Variants in TG observed in about 807,000 individuals in gnomAD.
TG encodes thyroglobulin.
A neutral mutation model predicts 324.7 loss-of-function variants in TG; 270 were observed. The observed-to-expected ratio is 0.83, with a 90% CI of 0.75 to 0.92. TG has a LOEUF of 0.92. Among genes scored for constraint, TG ranks in the 40% least tolerant of loss-of-function variants. The pLI is 0.00. For synonymous variants in TG, 1,401 were observed against 1,327.0 expected (o/e 1.06, Z -1.21); for missense variants, 3,591 against 3,456.4 (o/e 1.04, Z -0.98).
intron 45 of TG, among the ~76,000 whole-genome samples, chr8:133,126,953 C>G (rs1156745963): frequency 6.6e-6 from 1 of 152,144 alleles, no homozygotes; most frequent in Non-Finnish European, 1.5e-5. Context: ...GGTCAACAGA[C>G]TTCCTGCAGA....
At chr8:132,919,190 C>A (rs1288590456) in intron 20 of TG, among the ~76,000 whole-genome samples, 186 bp from the exon 21 acceptor site, 3 of 152,172 alleles carry the variant, frequency 2.0e-5, no homozygotes, top group Admixed American at 2.0e-4. Flanking sequence ...AGGAAGCTCG[C>A]CTGACTTCTT....
intron 39 of TG, among the ~76,000 whole-genome samples, chr8:133,019,928 T>C (rs991372617): frequency 1.3e-5 from 2 of 152,212 alleles, no homozygotes; most frequent in African/African-American, 4.8e-5. Context: ...GCTTTTTCCA[T>C]AGTGTCAGGA....
At chr8:133,089,227 T>C (rs1031089475) in intron 41 of TG, among the ~76,000 whole-genome samples, 1 of 152,208 alleles carries the variant, frequency 6.6e-6, no homozygotes, top group African/African-American at 2.4e-5. Flanking sequence ...CATCCTGACA[T>C]TCATTTCCAG....
At chr8:132,872,110 T>G (rs1348571024) in intron 4 of TG, among the ~76,000 whole-genome samples, 2 of 152,180 alleles carry the variant, frequency 1.3e-5, no homozygotes, top group Non-Finnish European at 2.9e-5. Flanking sequence ...TGTACAGCTG[T>G]ACCATGTGTT....
chr8:133,116,697 G>A lies in TG; in HGVS notation c.7843G>A (p.Glu2615Lys). The A allele has an allele frequency of 6.2e-7, 1 of 1,614,222 alleles. No homozygotes were observed. The highest frequency in any genetic ancestry group is 8.5e-7 in the Non-Finnish European group (1 of 1,180,036). Reference sequence around the variant, plus strand: ...AAACGTCTTCATGTACCATGCTCCTGAAAACTACGGCCATGGCAGGTAAGA... The same window carrying A: ...AAACGTCTTCATGTACCATGCTCCTAAAAACTACGGCCATGGCAGGTAAGA... ...RGNVFMYHAPENYGHGSLELL... is the reference protein window; with the variant it reads ...RGNVFMYHAPKNYGHGSLELL... The change falls in exon 45 of 48, where the codon GAA (glutamate) becomes AAA (lysine). Residue 2615 changes from glutamate to lysine, a missense_variant. Coordinates refer to ENST00000220616, the MANE Select transcript of TG (RefSeq NM_003235.5).
chr8:133,018,768 G>A (rs1417960409), intron 38 of TG, among the ~76,000 whole-genome samples: 1 of 151,974 alleles, frequency 6.6e-6, no homozygotes, highest in Non-Finnish European at 1.5e-5. Flanking sequence ...CTATCCTCAG[G>A]CAGCTGCAAC....
intron 41 of TG, among the ~76,000 whole-genome samples, chr8:133,094,244 T>TTC (rs1360725006): frequency 5.7e-4 from 22 of 38,372 alleles, no homozygotes; most frequent in Non-Finnish European, 1.2e-3. Flanking sequence ...GTCGTTTTCT[T>TTC]TTTTTTTTTT....
chr8:133,050,824 C>A (rs1840262609), intron 41 of TG: 1 of 1,604,860 alleles, frequency 6.2e-7, no homozygotes, highest in South Asian at 1.1e-5. Context: ...ACTCAGAAAT[C>A]ACACGCAGTT....
intron 35 of TG, among the ~76,000 whole-genome samples, chr8:132,999,020 G>A (rs1343580148): frequency 6.6e-6 from 1 of 152,214 alleles, no homozygotes; most frequent in Non-Finnish European, 1.5e-5. Flanking sequence ...AGATTTCATT[G>A]TCAGAGGGTT....
intron 35 of TG, among the ~76,000 whole-genome samples, chr8:132,995,692 T>C (rs1832809302): frequency 6.6e-6 from 1 of 152,196 alleles, no homozygotes; most frequent in African/African-American, 2.4e-5. Flanking sequence ...GGATGTCCAC[T>C]TGTTAGGAGT....
At chr8:133,115,297 A>G (rs776908236) in intron 44 of TG, among the ~76,000 whole-genome samples, 2 of 152,074 alleles carry the variant, frequency 1.3e-5, no homozygotes, top group Non-Finnish European at 2.9e-5. Context: ...CAGACTCAGG[A>G]CCTGGCCCCA....
At chr8:132,964,047 C>T (rs1206889595) in intron 29 of TG, among the ~76,000 whole-genome samples, 1 of 151,944 alleles carries the variant, frequency 6.6e-6, no homozygotes, top group African/African-American at 2.4e-5. Context: ...CAGCACCCTG[C>T]CCTCCCCTGC....
At chr8:132,973,517 G>A (rs1405213885) in intron 34 of TG, among the ~76,000 whole-genome samples, 1 of 152,098 alleles carries the variant, frequency 6.6e-6, no homozygotes, top group Admixed American at 6.5e-5. Flanking sequence ...CAGATAAGGA[G>A]ACATTAGGTT....
intron 20 of TG, among the ~76,000 whole-genome samples, chr8:132,913,895 G>C (rs1819902767): frequency 6.6e-6 from 1 of 152,148 alleles, no homozygotes; most frequent in African/African-American, 2.4e-5. Flanking sequence ...TGAGCTGTTG[G>C]CAGGGCCTGC....
intron 2 of TG, among the ~76,000 whole-genome samples, chr8:132,868,703 G>C (rs963901180): frequency 2.0e-5 from 3 of 152,172 alleles, no homozygotes; most frequent in Non-Finnish European, 4.4e-5. Context: ...CTGCCTCTGG[G>C]CTTCTGGGTC....
chr8:133,006,081 A>G (rs1833992282), intron 35 of TG, among the ~76,000 whole-genome samples: 1 of 152,182 alleles, frequency 6.6e-6, no homozygotes, highest in Non-Finnish European at 1.5e-5. Context: ...CTACAGAGAG[A>G]CATTATGCTT....
In TG at chr8:133,062,919, C is replaced by T. The variant is rs775279584; in HGVS notation, c.7240-32125C>T. On this transcript the variant is annotated intron_variant, in intron 41 of 47. Coordinates refer to ENST00000220616, the MANE Select transcript of TG (RefSeq NM_003235.5). The stretch of plus-strand genomic sequence containing the variant: ...TCTGCTACGCACAGGCCTTGGGAAA[C>T]ACACATGTGACATGCACAGGCTGTC... Among the ~76,000 whole-genome samples the T allele has an allele frequency of 2.0e-4, 30 of 152,300 alleles. No homozygotes were observed. The East Asian group carries it at 5.8e-3, about 29-fold the overall frequency.
chr8:133,070,066 T>C (rs1288328014), intron 41 of TG, among the ~76,000 whole-genome samples: 1 of 127,418 alleles, frequency 7.8e-6, no homozygotes, highest in East Asian at 2.5e-4. Flanking sequence ...AGAAAGGAAC[T>C]GAAGAAACAA....
Position 132,901,450 on chromosome 8 carries a change from C to T in TG, c.3531C>T (p.Ser1177=), listed in dbSNP as rs1389995103. Reference sequence around the variant, plus strand: ...GCAGGGCAGAGGATGGGGGCTTTTCCCCAGTGCAATGTGACCAGGCCCAGG... The same window carrying T: ...GCAGGGCAGAGGATGGGGGCTTTTCTCCAGTGCAATGTGACCAGGCCCAGG... ...PACRAEDGGF[S]PVQCDQAQGS... The change falls in exon 16 of 48, where the codon TCC becomes TCT. Residue 1177 remains serine (S), a synonymous_variant. Transcript: ENST00000220616. The T allele has an allele frequency of 6.2e-7, 1 of 1,614,220 alleles. No homozygotes were observed. The highest frequency in any genetic ancestry group is 2.2e-5 in the East Asian group (1 of 44,888).
Sources: gnomAD v4.1 joint callset for allele counts (sites outside exome capture counted in the v4.1 genomes callset) on GRCh38, gnomAD v4.1.1 for gene constraint, MANE v1.5 for transcripts, NCBI Gene and HGNC (gene_info 2026-07-23, HGNC 2026-07-21) for gene names.